GXYLT2: variants seen among roughly 807,000 people sequenced by gnomAD.
GXYLT2 encodes glucoside xylosyltransferase 2.
In GXYLT2, 53 loss-of-function variants were observed where a neutral mutation model predicts 45.8. The observed-to-expected ratio is 1.16, with a 90% CI of 0.93 to 1.46. GXYLT2 has a LOEUF of 1.46. GXYLT2 is among the 40% of genes most tolerant of loss of function. The pLI is 0.00. For synonymous variants in GXYLT2, 219 were observed against 214.2 expected, an observed-to-expected ratio of 1.02 and a Z score of -0.19; for missense variants, 551 against 544.4, an observed-to-expected ratio of 1.01 and a Z score of -0.12.
intron 3 of GXYLT2, among the ~76,000 whole-genome samples, chr3:72,930,592 C>CTTTTTTTTTTTTTTTTTTTTTTT (rs71126806): frequency 4.9e-5 from 5 of 101,610 alleles, no homozygotes; most frequent in East Asian, 3.2e-4. Flanking sequence ...TCTTCTTCTT[C>CTTTTTTTTTTTTTTTTTTTTTTT]TTTTTTTTTT....
chr3:72,935,941 G>A (rs1042773419), intron 3 of GXYLT2, among the ~76,000 whole-genome samples: 2 of 152,176 alleles, frequency 1.3e-5, no homozygotes, highest in African/African-American at 2.4e-5. Flanking sequence ...CAAAGGGGAC[G>A]TGAAAGGAGT....
Position 72,975,291 on chromosome 3 carries a change from A to T in GXYLT2, c.*132A>T. Reference sequence around the variant, plus strand: ...TGTTGAGTTTTAAAAACCTCGTTAAATTTTGCCAAATCAGTTGCCCCCAAA... The same window carrying T: ...TGTTGAGTTTTAAAAACCTCGTTAATTTTTGCCAAATCAGTTGCCCCCAAA... On this transcript the variant is annotated 3_prime_UTR_variant, in exon 7 of 7. Transcript: ENST00000389617. The T allele has an allele frequency of 1.7e-6, 1 of 579,734 alleles. No homozygotes were observed. Among genetic ancestry groups the T allele is most frequent in the Non-Finnish European group, 2.7e-6 (1 of 365,534 alleles). The allele number at this position is 579,734 out of a possible 1,614,324, so 35.9% of individuals were successfully genotyped here.
At chr3:72,900,417 T>G (rs999971731) in intron 1 of GXYLT2, among the ~76,000 whole-genome samples, 3 of 152,100 alleles carry the variant, frequency 2.0e-5, no homozygotes, top group Non-Finnish European at 4.4e-5. Flanking sequence ...GCATCACAAT[T>G]TTATTTTTTT....
At position 72,932,693 on chromosome 3, in the gene GXYLT2, T is replaced by C. The variant is rs541513435; in HGVS notation, c.600+10358T>C. On this transcript the variant is annotated intron_variant, in intron 3 of 6. Transcript: ENST00000389617. ...AACATCTGTTTGGCTTAACAATGAA[T>C]AGTTATATAACATTTCTTCTCAGGC... Among the ~76,000 whole-genome samples the C allele has an allele frequency of 3.9e-5, 6 of 152,322 alleles. No homozygotes were observed. The South Asian group carries it at 1.2e-3, about 32-fold the overall frequency.
intron 1 of GXYLT2, among the ~76,000 whole-genome samples, chr3:72,890,432 A>G (rs1046044107): frequency 5.9e-5 from 9 of 152,214 alleles, no homozygotes; most frequent in Non-Finnish European, 1.2e-4. Flanking sequence ...GTAAGCACCA[A>G]TGGTATCCCC....
In GXYLT2 at chr3:72,975,946, T is replaced by C. The variant is rs10212494; in HGVS notation, c.*787T>C. The stretch of plus-strand genomic sequence containing the variant: ...TCTTTCTTTTTTTTTTTTTTTTTTT[T>C]TTTGAGACGGAATCTCACTCTGTAG... On this transcript the variant is annotated 3_prime_UTR_variant, in exon 7 of 7. Coordinates refer to ENST00000389617, the MANE Select transcript of GXYLT2 (RefSeq NM_001080393.2). 0.59 allele frequency: 76,762 copies of C among 129,548 alleles called. 20,103 individuals carry two copies. Among genetic ancestry groups the C allele is most frequent in the Admixed American group, 0.69 (8,786 of 12,732 alleles). The allele number at this position is 129,548 out of a possible 1,614,324, so 8.0% of individuals were successfully genotyped here.
At position 72,951,243 on chromosome 3, in the gene GXYLT2, T is replaced by G. The variant is rs533994551; in HGVS notation, c.601-3855T>G. Reference sequence around the variant, plus strand: ...AGATAAAGAGTAAAAAGTCCTTATGTACTTATTTTCAGTCCAGGTACTGAG... The same window carrying G: ...AGATAAAGAGTAAAAAGTCCTTATGGACTTATTTTCAGTCCAGGTACTGAG... On this transcript the variant is annotated intron_variant, in intron 3 of 6. Coordinates refer to ENST00000389617, the MANE Select transcript of GXYLT2 (RefSeq NM_001080393.2). Among the ~76,000 whole-genome samples the G allele has an allele frequency of 2.6e-5, 4 of 152,290 alleles. No individual in the cohort carries two copies. The East Asian group carries it at 7.7e-4, about 29-fold the overall frequency.
chr3:72,895,495 A>G (rs1459669142), intron 1 of GXYLT2, among the ~76,000 whole-genome samples: 1 of 152,216 alleles, frequency 6.6e-6, no homozygotes, highest in Admixed American at 6.5e-5. Flanking sequence ...GGCCATATTG[A>G]CACGGTTCCT....
At position 72,923,612 on chromosome 3, in the gene GXYLT2, G is replaced by A. The variant is rs561789938; in HGVS notation, c.600+1277G>A. Among the ~76,000 whole-genome samples the A allele has an allele frequency of 2.0e-5, 3 of 152,258 alleles. No homozygotes were observed. In the East Asian group the frequency reaches 5.8e-4, roughly 29 times the overall value. ...GTGCCCACCAGGGTGCTGGGCCCTGGCTCAGTGATGATGACATGGTAATAA... is the reference window on the plus strand; with the variant it reads ...GTGCCCACCAGGGTGCTGGGCCCTGACTCAGTGATGATGACATGGTAATAA... On this transcript the variant is annotated intron_variant, in intron 3 of 6. Coordinates refer to ENST00000389617, the MANE Select transcript of GXYLT2 (RefSeq NM_001080393.2).
At chr3:72,913,084 T>C (rs1011401522) in intron 2 of GXYLT2, among the ~76,000 whole-genome samples, 4 of 149,868 alleles carry the variant, frequency 2.7e-5, no homozygotes, top group African/African-American at 7.4e-5. Flanking sequence ...GTGGCCCAGG[T>C]GGGAGTGCAG....
intron 5 of GXYLT2, among the ~76,000 whole-genome samples, chr3:72,961,243 A>G (rs1710762301): frequency 6.6e-6 from 1 of 152,166 alleles, no homozygotes; most frequent in South Asian, 2.1e-4. Flanking sequence ...GCAGAGTTCT[A>G]TAGAAGGGAT....
At chr3:72,958,629 C>CTTTTTTTTTTTT (rs760548760) in intron 5 of GXYLT2, among the ~76,000 whole-genome samples, 1 of 108,734 alleles carries the variant, frequency 9.2e-6, no homozygotes, top group African/African-American at 3.6e-5. Context: ...TCACTTGTGG[C>CTTTTTTTTTTTT]TTTTTTTTTT....
intron 2 of GXYLT2, among the ~76,000 whole-genome samples, chr3:72,913,286 C>T (rs975475401): frequency 6.6e-6 from 1 of 151,538 alleles, no homozygotes; most frequent in Non-Finnish European, 1.5e-5. Flanking sequence ...GATCCGCCCG[C>T]CTCGGCCTCC....
chr3:72,895,220 G>A lies in GXYLT2; in HGVS notation c.275+6712G>A, dbSNP rs1169951628. On this transcript the variant is annotated intron_variant, in intron 1 of 6. Transcript: ENST00000389617. ...ATGGAGAGATGAGAAGTGACGCAGAGCAACCCAGATGGGGTAGGGCGGAGT... is the reference window on the plus strand; with the variant it reads ...ATGGAGAGATGAGAAGTGACGCAGAACAACCCAGATGGGGTAGGGCGGAGT... 2.0e-5 allele frequency among the ~76,000 whole-genome samples: 3 copies of A among 152,304 alleles called. No homozygotes were observed. The East Asian group carries it at 5.8e-4, about 29-fold the overall frequency.
chr3:72,936,443 T>C (rs1710180698), intron 3 of GXYLT2, among the ~76,000 whole-genome samples: 1 of 151,850 alleles, frequency 6.6e-6, no homozygotes, highest in South Asian at 2.1e-4. Flanking sequence ...CACTTGAGAC[T>C]AGCCTGGCCA....
chr3:72,937,099 A>G (rs769598147), intron 3 of GXYLT2, among the ~76,000 whole-genome samples: 1 of 152,098 alleles, frequency 6.6e-6, no homozygotes, highest in Admixed American at 6.6e-5. Flanking sequence ...TATGTATATT[A>G]TTTACTAAGT....
At chr3:72,913,199 G>A (rs999002559) in intron 2 of GXYLT2, among the ~76,000 whole-genome samples, 3 of 150,628 alleles carry the variant, frequency 2.0e-5, no homozygotes, top group Admixed American at 6.6e-5. Flanking sequence ...CACCACGCCC[G>A]GCTAATTTTT....
intron 2 of GXYLT2, among the ~76,000 whole-genome samples, chr3:72,915,788 G>A (rs575601707): frequency 5.3e-5 from 8 of 151,818 alleles, no homozygotes; most frequent in South Asian, 2.1e-4. Flanking sequence ...AGCCAAGATC[G>A]CGCCACTGCA....
chr3:72,959,639 C>CT (rs1403591913), intron 5 of GXYLT2, among the ~76,000 whole-genome samples: 90 of 149,028 alleles, frequency 6.0e-4, no homozygotes, highest in Non-Finnish European at 8.5e-4. Flanking sequence ...TAGGTTTCAT[C>CT]TTTTTTTTTT....
Sources: allele counts gnomAD v4.1 joint callset (sites outside exome capture counted in the v4.1 genomes callset), GRCh38; gene constraint gnomAD v4.1.1; transcripts MANE v1.5; gene names NCBI Gene and HGNC (gene_info 2026-07-23, HGNC 2026-07-21).